The following NAV1 variants were observed in gnomAD, a reference collection of about 807,000 sequenced individuals.
NAV1 encodes neuron navigator 1.
NAV1 carries 18 observed loss-of-function variants against 175.2 expected under a neutral mutation model. The observed-to-expected ratio is 0.10, with a 90% CI of 0.07 to 0.15. NAV1 has a LOEUF of 0.15. NAV1 is among the 10% of genes least tolerant of loss of function. NAV1 has a pLI of 1.00. For synonymous variants in NAV1, 897 were observed against 978.7 expected (o/e 0.92, Z 1.56); for missense variants, 1,731 against 2,436.6 (o/e 0.71, Z 6.10).
At position 201,813,817 on chromosome 1, in the gene NAV1, G is replaced by A. The variant is rs1335230860; in HGVS notation, c.5340+559G>A. On this transcript the variant is annotated intron_variant, in intron 28 of 29. Transcript: ENST00000367296. This position sits in a 1 kb window ranked among gnomAD's most constrained non-coding sequence, Gnocchi z 4.2. ...TCATGCCTGTAATCCCAGCACTGTG[G>A]GAGGCCGAGGCGGGCAGATCACCAG... is the stretch of plus-strand genomic sequence containing the variant. Among the ~76,000 whole-genome samples the A allele has an allele frequency of 1.3e-5, 2 of 152,210 alleles. No individual in the cohort carries two copies. The highest frequency in any genetic ancestry group is 2.9e-5 in the Non-Finnish European group (2 of 68,040).
chr1:201,713,772 T>C (rs1327502008), intron 2 of NAV1, among the ~76,000 whole-genome samples: 1 of 152,084 alleles, frequency 6.6e-6, no homozygotes, highest in East Asian at 1.9e-4. Flanking sequence ...AGACTGGAAG[T>C]AGATTCCTCT....
chr1:201,565,564 G>A (rs771075144), intron 1 of NAV1, among the ~76,000 whole-genome samples: 2 of 152,266 alleles, frequency 1.3e-5, no homozygotes, highest in Non-Finnish European at 2.9e-5. Context: ...GAACAGAAGG[G>A]CCCCTTCTTT....
chr1:201,727,456 T>C (rs1252735637), intron 3 of NAV1, among the ~76,000 whole-genome samples: 2 of 152,230 alleles, frequency 1.3e-5, no homozygotes, highest in East Asian at 3.8e-4. Context: ...CATGTGCTTA[T>C]TGTGCAGATA....
At chr1:201,648,255 A>C in exon 1 of NAV1, 1 of 1,029,514 alleles carries the variant, frequency 9.7e-7, no homozygotes, top group Admixed American at 5.8e-5. Flanking sequence ...TGTCCACGGG[A>C]CTGACAGGCA....
intron 2 of NAV1, among the ~76,000 whole-genome samples, chr1:201,616,021 T>C (rs1667992504): frequency 6.7e-6 from 1 of 149,846 alleles, no homozygotes; most frequent in South Asian, 2.1e-4. Context: ...TTTTTTTGTC[T>C]CTGTGATCAT....
chr1:201,732,302 A>G (rs920472176), intron 3 of NAV1, among the ~76,000 whole-genome samples: 1 of 152,168 alleles, frequency 6.6e-6, no homozygotes, highest in African/African-American at 2.4e-5. Context: ...AAAATGTAAT[A>G]CAGGCTAATT....
At chr1:201,697,392 G>A (rs1671236148) in intron 1 of NAV1, among the ~76,000 whole-genome samples, 1 of 152,244 alleles carries the variant, frequency 6.6e-6, no homozygotes, top group Admixed American at 6.5e-5. Flanking sequence ...TGGGGCAGGG[G>A]AAGAGGGAGG....
intron 1 of NAV1, among the ~76,000 whole-genome samples, chr1:201,568,162 G>A (rs1169769538): frequency 2.0e-5 from 3 of 152,150 alleles, no homozygotes; most frequent in Admixed American, 6.5e-5. Context: ...GCAGTGGGGG[G>A]CAGCTGTGGA....
At chr1:201,739,992 C>T in intron 3 of NAV1, 2 of 1,453,796 alleles carry the variant, frequency 1.4e-6, no homozygotes, top group Non-Finnish European at 1.8e-6. Flanking sequence ...GCTGGGTGCC[C>T]ACCCGGTGAA....
rs1354822070 is a variant in NAV1 at position 201,649,459 on chromosome 1, G to A, written c.757+34G>A. Reference sequence around the variant, plus strand: ...TGCCGCCCCGCCCCGCCCCGCCCCTGGCTTTCTCCTAACCAGCTGCTGGGG... The same window carrying A: ...TGCCGCCCCGCCCCGCCCCGCCCCTAGCTTTCTCCTAACCAGCTGCTGGGG... On this transcript the variant is annotated intron_variant, in intron 1 of 29. Coordinates refer to ENST00000367296, the Ensembl canonical transcript of NAV1. 5.5e-6 allele frequency: 8 copies of A among 1,448,626 alleles called. No homozygotes were observed. The South Asian group carries it at 9.6e-5, about 17-fold the overall frequency. 89.7% of individuals were successfully genotyped at this position (1,448,626 alleles called of 1,614,324 possible).
intron 2 of NAV1, among the ~76,000 whole-genome samples, chr1:201,608,140 C>T (rs1166881457): frequency 6.6e-6 from 1 of 151,928 alleles, no homozygotes; most frequent in Non-Finnish European, 1.5e-5. Context: ...TATTTTTTTC[C>T]ACCTCTACAG....
At chr1:201,729,256 T>C (rs1672743863) in intron 3 of NAV1, among the ~76,000 whole-genome samples, 1 of 152,248 alleles carries the variant, frequency 6.6e-6, no homozygotes, top group Admixed American at 6.5e-5. Context: ...AGATCCCAGC[T>C]CTGAGTCTTT....
chr1:201,766,463 T>C (rs1480735449), intron 3 of NAV1, among the ~76,000 whole-genome samples: 2 of 152,250 alleles, frequency 1.3e-5, no homozygotes, highest in Non-Finnish European at 2.9e-5. Flanking sequence ...TTTCTCTAGA[T>C]GGTCTTGATT....
At chr1:201,793,564 A>AC in intron 13 of NAV1, 1 of 506,312 alleles carries the variant, frequency 2.0e-6, no homozygotes, top group Non-Finnish European at 3.6e-6. Flanking sequence ...AACCTGCCCT[A>AC]CCCTCAACCT....
chr1:201,636,112 G>A (rs2223179), intron 2 of NAV1, among the ~76,000 whole-genome samples: 38,714 of 152,178 alleles, frequency 0.25, 5,044 homozygotes, highest in African/African-American at 0.3. Flanking sequence ...TGCCTGGGCA[G>A]AGATTGGCCA....
At chr1:201,776,380 G>A (rs1198133487) in intron 3 of NAV1, among the ~76,000 whole-genome samples, 5 of 144,162 alleles carry the variant, frequency 3.5e-5, no homozygotes, top group South Asian at 2.3e-4. Context: ...GGTGGTTCAC[G>A]CCTATAATCC....
exon 1 of NAV1, chr1:201,648,450 C>A (rs1247675204): frequency 5.2e-6 from 6 of 1,162,514 alleles, no homozygotes; most frequent in Admixed American, 4.8e-5. Flanking sequence ...TTTCCTTTTT[C>A]CCGGCTTCCT....
upstream of NAV1, among the ~76,000 whole-genome samples, chr1:201,645,550 A>G (rs1668949300): frequency 6.6e-6 from 1 of 152,100 alleles, no homozygotes; most frequent in South Asian, 2.1e-4. Flanking sequence ...TTAAATTATA[A>G]TAATAATAAA....
chr1:201,785,397 G>T (rs370473972), intron 8 of NAV1, 46 bp downstream of exon 12: 1 of 1,572,724 alleles, frequency 6.4e-7, no homozygotes, highest in Middle Eastern at 1.7e-4. Context: ...GGGACTGCTG[G>T]TATGTATGAA....
Sources: allele counts gnomAD v4.1 joint callset (sites outside exome capture counted in the v4.1 genomes callset), GRCh38; gene constraint gnomAD v4.1.1; non-coding constraint Gnocchi (gnomAD v3.1); transcripts MANE v1.5; gene names NCBI Gene and HGNC (gene_info 2026-07-23, HGNC 2026-07-21).